GDAP1: variants seen among roughly 807,000 people sequenced by gnomAD.
GDAP1 encodes ganglioside-induced differentiation-associated protein 1.
GDAP1 carries 34 observed loss-of-function variants against 40.1 expected under a neutral mutation model. That is an observed-to-expected ratio of 0.85 (90% confidence interval 0.64 to 1.13). The LOEUF (loss-of-function observed/expected upper bound fraction) is 1.13, where lower values mean the gene tolerates loss of function less well. GDAP1 is among the 50% of genes most tolerant of loss of function. The pLI is 0.00. For synonymous variants in GDAP1, 170 were observed against 157.4 expected, an observed-to-expected ratio of 1.08 and a Z score of -0.60; for missense variants, 374 against 433.7, an observed-to-expected ratio of 0.86 and a Z score of 1.22.
At chr8:74,471,594 A>T (rs148544928) in intron 2 of GDAP1, among the ~76,000 whole-genome samples, 1 of 152,154 alleles carries the variant, frequency 6.6e-6, no homozygotes, top group Non-Finnish European at 1.5e-5. Context: ...GAGTTTTAAC[A>T]TGTATCTACA....
chr8:74,409,517 T>C (rs561076092), intron 2 of GDAP1, among the ~76,000 whole-genome samples: 2 of 149,796 alleles, frequency 1.3e-5, no homozygotes, highest in South Asian at 4.1e-4. Flanking sequence ...ACTGCCCTGC[T>C]AATTTTTGTA....
intron 2 of GDAP1, among the ~76,000 whole-genome samples, chr8:74,456,587 C>T (rs916304534): frequency 1.3e-4 from 19 of 151,714 alleles, no homozygotes; most frequent in African/African-American, 2.9e-4. Flanking sequence ...AGTAGGGAAA[C>T]GCTGAAAATG....
chr8:74,433,590 G>A (rs951667061), intron 2 of GDAP1, among the ~76,000 whole-genome samples: 3 of 152,126 alleles, frequency 2.0e-5, no homozygotes, highest in African/African-American at 4.8e-5. Context: ...ATAGGGAATT[G>A]TCTTTTTTTT....
chr8:74,403,351 G>T (rs1323384418), intron 2 of GDAP1, among the ~76,000 whole-genome samples: 1 of 149,826 alleles, frequency 6.7e-6, no homozygotes, highest in Non-Finnish European at 1.5e-5. Context: ...GAAGAAGAGG[G>T]GATTGCAAAC....
rs936742381 is a variant in GDAP1, at chr8:74,366,642, T to C, written c.*2275T>C. On this transcript the variant is annotated 3_prime_UTR_variant, in exon 6 of 6. Transcript: ENST00000220822. Reference sequence around the variant, plus strand: ...AATGCCTGAGGTACTAAAGTTATGTTGGCTTTTTGTGTCTTAACACACATA... The same window carrying C: ...AATGCCTGAGGTACTAAAGTTATGTCGGCTTTTTGTGTCTTAACACACATA... 2 of 453,758 alleles carry C rather than the reference T, an allele frequency of 4.4e-6. No individual in the cohort carries two copies. The highest frequency in any genetic ancestry group is 1.6e-5 in the South Asian group (1 of 64,426). 28.1% of individuals were successfully genotyped at this position (453,758 alleles called of 1,614,324 possible).
At chr8:74,420,973 C>A (rs1417653960) in intron 2 of GDAP1, among the ~76,000 whole-genome samples, 2 of 152,076 alleles carry the variant, frequency 1.3e-5, no homozygotes, top group African/African-American at 4.8e-5. Flanking sequence ...TCTTCTCTTT[C>A]CTCATCTTTA....
intron 2 of GDAP1, among the ~76,000 whole-genome samples, chr8:74,398,717 C>T (rs548600961): frequency 2.6e-5 from 4 of 152,094 alleles, no homozygotes; most frequent in African/African-American, 7.2e-5. Context: ...TTTTGAGATG[C>T]GTCCCATCAA....
chr8:74,398,442 T>A (rs895599837), intron 2 of GDAP1, among the ~76,000 whole-genome samples: 10 of 152,192 alleles, frequency 6.6e-5, no homozygotes, highest in African/African-American at 2.4e-4. Flanking sequence ...TTAAGGAGAT[T>A]TTGGGCTGAA....
At chr8:74,379,619 A>G (rs963963926) in intron 2 of GDAP1, among the ~76,000 whole-genome samples, 1 of 152,154 alleles carries the variant, frequency 6.6e-6, no homozygotes, top group African/African-American at 2.4e-5. Flanking sequence ...CTTATGTGGG[A>G]AAGACAAAAG....
chr8:74,361,741 A>G (rs977270723), intron 3 of GDAP1, 143 bp from the exon 4 acceptor site: 24 of 670,184 alleles, frequency 3.6e-5, no homozygotes, highest in African/African-American at 3.4e-4. Flanking sequence ...AAACTGAGGC[A>G]TAGACAGGGT....
At chr8:74,473,397 T>C (rs1173253376) in intron 2 of GDAP1, among the ~76,000 whole-genome samples, 2 of 152,218 alleles carry the variant, frequency 1.3e-5, no homozygotes, top group African/African-American at 2.4e-5. Flanking sequence ...TGGTATTGCC[T>C]AGGTTGTCTT....
intron 2 of GDAP1, among the ~76,000 whole-genome samples, chr8:74,422,390 C>T (rs1563465627): frequency 8.9e-6 from 1 of 112,804 alleles, no homozygotes; most frequent in Non-Finnish European, 1.8e-5. Flanking sequence ...TCCTTCCTTC[C>T]TTCCTTCTGT....
intron 2 of GDAP1, among the ~76,000 whole-genome samples, chr8:74,415,228 A>G (rs956327504): frequency 6.7e-6 from 1 of 150,362 alleles, no homozygotes; most frequent in Non-Finnish European, 1.5e-5. Context: ...GCAATAATGT[A>G]TATACCTGGG....
At chr8:74,403,525 A>G (rs952901973) in intron 2 of GDAP1, among the ~76,000 whole-genome samples, 11 of 150,364 alleles carry the variant, frequency 7.3e-5, no homozygotes, top group Non-Finnish European at 1.6e-4. Context: ...TTTTCTAAAC[A>G]AGCTGGCCAA....
chr8:74,402,111 AGAG>A (rs1012471279), intron 2 of GDAP1, among the ~76,000 whole-genome samples: 6 of 150,382 alleles, frequency 4.0e-5, no homozygotes, highest in South Asian at 2.1e-4. Flanking sequence ...TTAAGTCTGC[AGAG>A]GTTACTGCTG....
intron 2 of GDAP1, among the ~76,000 whole-genome samples, chr8:74,456,873 G>A (rs1207796202): frequency 6.6e-6 from 1 of 151,980 alleles, no homozygotes; most frequent in East Asian, 1.9e-4. Flanking sequence ...TATGTAACTT[G>A]GGATAAGAAA....
chr8:74,401,972 C>T (rs1286149633), intron 2 of GDAP1, among the ~76,000 whole-genome samples: 2 of 150,168 alleles, frequency 1.3e-5, no homozygotes, highest in African/African-American at 5.1e-5. Flanking sequence ...ACTAGGGGTG[C>T]CTCCCAGTTA....
intron 2 of GDAP1, among the ~76,000 whole-genome samples, chr8:74,436,718 G>A (rs908238559): frequency 2.6e-5 from 4 of 151,998 alleles, no homozygotes; most frequent in African/African-American, 7.2e-5. Context: ...CACTGCGCCC[G>A]GCCACCATCT....
intron 5 of GDAP1, 56 bp from the exon 6 acceptor site, chr8:74,363,928 TG>T: frequency 6.8e-7 from 1 of 1,471,764 alleles, no homozygotes. Context: ...TGATACCAGC[TG>T]GAGTCTGTCT....
Sources: allele counts gnomAD v4.1 joint callset (sites outside exome capture counted in the v4.1 genomes callset), GRCh38; gene constraint gnomAD v4.1.1; transcripts MANE v1.5; gene names NCBI Gene and HGNC (gene_info 2026-07-23, HGNC 2026-07-21).